The following RBFOX3 variants were observed in gnomAD, a reference collection of about 807,000 sequenced individuals.
RBFOX3 encodes the protein RNA binding protein fox-1 homolog 3.
Under a neutral mutation model 48.7 loss-of-function variants are expected in RBFOX3, and 17 were observed. That is an observed-to-expected ratio of 0.35 (90% CI 0.24 to 0.52). RBFOX3 has a LOEUF of 0.52. Ranked by LOEUF, RBFOX3 falls within the 20% of genes least tolerant of loss-of-function variation. RBFOX3 has a pLI of 0.94. For synonymous variants in RBFOX3, 212 were observed against 209.5 expected (o/e 1.01, Z -0.10); for missense variants, 382 against 497.5 (o/e 0.77, Z 2.21).
intron 2 of RBFOX3, among the ~76,000 whole-genome samples, chr17:79,370,056 G>A (rs916225420): frequency 6.6e-6 from 1 of 152,194 alleles, no homozygotes; most frequent in African/African-American, 2.4e-5. Flanking sequence ...TTCACACCTG[G>A]GGCCTCGCTG....
intron 4 of RBFOX3, among the ~76,000 whole-genome samples, chr17:79,122,824 G>A (rs907706171): frequency 6.6e-6 from 1 of 152,088 alleles, no homozygotes; most frequent in Non-Finnish European, 1.5e-5. Context: ...ACAGATGAAT[G>A]GGTAAAGAAA....
intron 4 of RBFOX3, among the ~76,000 whole-genome samples, chr17:79,139,722 T>G (rs2041519472): frequency 6.6e-6 from 1 of 152,026 alleles, no homozygotes; most frequent in Admixed American, 6.6e-5. Context: ...AAAAAGGAGA[T>G]CCTTCCCAAA....
At chr17:79,350,850 C>T (rs1016631949) in intron 2 of RBFOX3, among the ~76,000 whole-genome samples, 5 of 152,288 alleles carry the variant, frequency 3.3e-5, no homozygotes, top group South Asian at 2.1e-4. Flanking sequence ...GCCCCCATGG[C>T]GACTCTCCCA....
chr17:79,632,365 G>A, the RBFOX3 span, among the ~76,000 whole-genome samples: 1 of 152,074 alleles, frequency 6.6e-6, no homozygotes, highest in Non-Finnish European at 1.5e-5. Context: ...ATGGGCAGGA[G>A]GACAAAGTCC....
intron 4 of RBFOX3, among the ~76,000 whole-genome samples, chr17:79,182,654 C>T (rs1157442091): frequency 6.6e-6 from 1 of 152,050 alleles, no homozygotes; most frequent in African/African-American, 2.4e-5. Flanking sequence ...CCACCCAACC[C>T]CAACTCGCCA....
At chr17:79,223,518 G>A (rs2059965856) in intron 4 of RBFOX3, among the ~76,000 whole-genome samples, 1 of 152,190 alleles carries the variant, frequency 6.6e-6, no homozygotes, top group Non-Finnish European at 1.5e-5. Context: ...GGAGGTCTTG[G>A]GCTTGTCCCT....
chr17:79,237,779 A>C (rs1047251563), intron 3 of RBFOX3, among the ~76,000 whole-genome samples: 1 of 152,174 alleles, frequency 6.6e-6, no homozygotes. Context: ...AAAATGGCAA[A>C]GGTAACTTCT....
At chr17:79,660,218 G>C in the RBFOX3 span, among the ~76,000 whole-genome samples, 6 of 152,008 alleles carry the variant, frequency 3.9e-5, no homozygotes, top group African/African-American at 1.4e-4. Context: ...AAAAATCTAG[G>C]CAATACCATT....
intron 3 of RBFOX3, among the ~76,000 whole-genome samples, chr17:79,275,123 CCTCTCTCTCTCTCT>C (rs368963249): frequency 3.1e-5 from 4 of 130,594 alleles, no homozygotes; most frequent in Non-Finnish European, 4.8e-5. Flanking sequence ...TCCATGTCTC[CCTCTCTCTCTCTCT>C]CTCTCTCTCT....
At chr17:79,437,317 G>A (rs906970016) in intron 2 of RBFOX3, among the ~76,000 whole-genome samples, 60 of 152,320 alleles carry the variant, frequency 3.9e-4, no homozygotes, top group African/African-American at 1.3e-3. Context: ...AGCTCCAGCC[G>A]GGGAGGCCGG....
intron 2 of RBFOX3, among the ~76,000 whole-genome samples, chr17:79,400,146 C>T (rs530986299): frequency 9.9e-5 from 15 of 152,194 alleles, no homozygotes; most frequent in African/African-American, 2.9e-4. Context: ...AAATGCACCA[C>T]GGGGCTCTGG....
At chr17:79,455,850 T>C (rs6501310) in intron 2 of RBFOX3, among the ~76,000 whole-genome samples, 80,977 of 152,002 alleles carry the variant, frequency 0.53, 22,139 homozygotes, top group Middle Eastern at 0.6. Context: ...ACCTCCAGCC[T>C]GGCCTCCCCC....
chr17:79,278,124 C>T (rs559928518), intron 3 of RBFOX3, among the ~76,000 whole-genome samples: 1 of 152,260 alleles, frequency 6.6e-6, no homozygotes, highest in African/African-American at 2.4e-5. Context: ...TGAGATGGCC[C>T]CAGGAAGGCT....
chr17:79,514,969 C>T (rs1020253433), intron 1 of RBFOX3, among the ~76,000 whole-genome samples: 57 of 152,174 alleles, frequency 3.7e-4, no homozygotes, highest in Non-Finnish European at 7.6e-4. Flanking sequence ...TCCTAATCCC[C>T]ACTTCCCTAG....
intron 1 of RBFOX3, among the ~76,000 whole-genome samples, chr17:79,489,210 C>T (rs1362102499): frequency 1.6e-5 from 2 of 122,336 alleles, no homozygotes; most frequent in African/African-American, 6.4e-5. Flanking sequence ...GAGAGCGGAA[C>T]ATTTTAGCCT....
At chr17:79,637,304 C>T in the RBFOX3 span, among the ~76,000 whole-genome samples, 2 of 152,068 alleles carry the variant, frequency 1.3e-5, no homozygotes, top group Non-Finnish European at 2.9e-5. Flanking sequence ...ACCAAAAGAA[C>T]CTAACACATA....
At chr17:79,574,679 C>T (rs890629807) in intron 1 of RBFOX3, among the ~76,000 whole-genome samples, 1 of 152,186 alleles carries the variant, frequency 6.6e-6, no homozygotes, top group African/African-American at 2.4e-5. Context: ...GCCGCTGCTC[C>T]GCCTATGGAG....
chr17:79,407,393 G>A, intron 2 of RBFOX3, among the ~76,000 whole-genome samples: 1 of 152,252 alleles, frequency 6.6e-6, no homozygotes, highest in Non-Finnish European at 1.5e-5. Flanking sequence ...AGGTCTGGGA[G>A]TATCTGTCCT....
At position 79,320,537 on chromosome 17, in the gene RBFOX3, C is replaced by T. The variant is rs570867729; in HGVS notation, c.-174-12713G>A. Among the ~76,000 whole-genome samples, 3 of 152,346 alleles carry T rather than the reference C, an allele frequency of 2.0e-5. No homozygotes were observed. In the South Asian group the frequency reaches 6.2e-4, roughly 32 times the overall value. ...CTTCCCAGCAGGGAAATCCGTATAC[C>T]TGCCCTCCCTTGGCAAACCCTGCCC... is the stretch of plus-strand genomic sequence containing the variant. On this transcript the variant is annotated intron_variant, in intron 2 of 14. Coordinates refer to ENST00000693108, the MANE Select transcript of RBFOX3 (RefSeq NM_001350451.2).
Sources: gnomAD v4.1 joint callset for allele counts (sites outside exome capture counted in the v4.1 genomes callset) on GRCh38, gnomAD v4.1.1 for gene constraint, MANE v1.5 for transcripts, NCBI Gene and HGNC (gene_info 2026-07-23, HGNC 2026-07-21) for gene names.